EPHB1: variants seen among roughly 807,000 people sequenced by gnomAD.
EPHB1 encodes the protein ephrin type-B receptor 1.
In EPHB1, 30 loss-of-function variants were observed where a neutral mutation model predicts 94.4. That is an observed-to-expected ratio of 0.32 (90% confidence interval 0.24 to 0.43). The LOEUF is 0.43. Ranked by LOEUF, EPHB1 falls within the 20% of genes least tolerant of loss-of-function variation. EPHB1 has a pLI of 1.00. For missense variants in EPHB1, 1,055 were observed against 1,308.3 expected, an observed-to-expected ratio of 0.81 and a Z score of 2.99; for synonymous variants, 522 against 489.1, an observed-to-expected ratio of 1.07 and a Z score of -0.89.
At chr3:134,843,681 AT>A (rs1198625318) in intron 1 of EPHB1, among the ~76,000 whole-genome samples, 2 of 151,622 alleles carry the variant, frequency 1.3e-5, no homozygotes, top group Non-Finnish European at 2.9e-5. Context: ...TCCTCTAGTG[AT>A]TTTTTTATTT....
At chr3:134,824,354 T>A (rs1327031013) in intron 1 of EPHB1, among the ~76,000 whole-genome samples, 2 of 152,082 alleles carry the variant, frequency 1.3e-5, no homozygotes, top group Non-Finnish European at 2.9e-5. Flanking sequence ...CTGGGCACAG[T>A]GCCAGTTGGT....
chr3:134,969,970 G>A (rs1479598257), intron 3 of EPHB1, among the ~76,000 whole-genome samples: 1 of 152,174 alleles, frequency 6.6e-6, no homozygotes, highest in African/African-American at 2.4e-5. Context: ...ATCAAAACTT[G>A]AAAGTTTTGA....
intron 4 of EPHB1, among the ~76,000 whole-genome samples, chr3:135,123,695 A>G (rs1391464925): frequency 6.8e-6 from 1 of 148,122 alleles, no homozygotes; most frequent in African/African-American, 2.7e-5. Flanking sequence ...TTGTTTTCTT[A>G]TTGTTAAGTT....
chr3:135,038,681 C>T (rs1027721604), intron 3 of EPHB1, among the ~76,000 whole-genome samples: 2 of 152,076 alleles, frequency 1.3e-5, no homozygotes, highest in African/African-American at 2.4e-5. Context: ...TTCGGAGTTT[C>T]TTCCTTCTGG....
At chr3:134,829,613 C>CAGTTTGTTTA (rs1208204324) in intron 1 of EPHB1, among the ~76,000 whole-genome samples, 10 of 152,128 alleles carry the variant, frequency 6.6e-5, no homozygotes, top group Non-Finnish European at 1.0e-4. Context: ...CAAACAACTC[C>CAGTTTGTTTA]AGTATATTCT....
intron 3 of EPHB1, among the ~76,000 whole-genome samples, chr3:135,070,621 A>T (rs964700464): frequency 6.6e-6 from 1 of 152,170 alleles, no homozygotes; most frequent in South Asian, 2.1e-4. Context: ...GCTTATTATT[A>T]TGAGGAGTTT....
rs1217744067 is a variant in EPHB1 at position 135,052,909 on chromosome 3, A to ATATATATGTG, written c.806-53538_806-53537insATATATGTGT. ...AAAAAAAATATATATATATATATATATGTGTGTGTGTGTGTGTGTGTGTAT... is the reference window on the plus strand; with the variant it reads ...AAAAAAAATATATATATATATATATATATATATGTGTGTGTGTGTGTGTGTGTGTGTGTAT... On this transcript the variant is annotated intron_variant, in intron 3 of 15. Coordinates refer to ENST00000398015, the MANE Select transcript of EPHB1 (RefSeq NM_004441.5). 7.1e-4 allele frequency among the ~76,000 whole-genome samples: 49 copies of ATATATATGTG among 68,834 alleles called. 1 individual carries two copies. The highest frequency in any genetic ancestry group is 2.5e-3 in the South Asian group (4 of 1,628). The allele number at this position is 68,834 out of a possible 152,430, so 45.2% of individuals were successfully genotyped here. A position where few individuals can be genotyped will look rare whatever the true frequency, so the allele number is the denominator to read the frequency against.
intron 4 of EPHB1, among the ~76,000 whole-genome samples, chr3:135,107,473 G>A (rs1201898513): frequency 6.6e-6 from 1 of 152,180 alleles, no homozygotes; most frequent in Non-Finnish European, 1.5e-5. Flanking sequence ...TCTCTTTTAA[G>A]TATCCCATTG....
intron 3 of EPHB1, chr3:134,978,045 C>T: frequency 2.2e-6 from 1 of 453,870 alleles, no homozygotes; most frequent in Admixed American, 2.4e-5. Flanking sequence ...ACTCACACAG[C>T]CTCCTCTGCA....
In EPHB1 at chr3:135,106,558, G is replaced by A. The variant is rs749679220; in HGVS notation, c.916G>A (p.Gly306Ser). Reference protein sequence around the residue: ...EASPICTCRTGYYRADFDPPE... With the variant: ...EASPICTCRTSYYRADFDPPE... ...GTCTCCCATCTGCACCTGTCGGACCGGTTATTACCGAGCGGACTTTGACCC... is the reference window on the plus strand; with the variant it reads ...GTCTCCCATCTGCACCTGTCGGACCAGTTATTACCGAGCGGACTTTGACCC... Residue 306 changes from glycine to serine, a missense_variant, in exon 4 of 16, where the codon GGT becomes AGT. Coordinates refer to ENST00000398015, the MANE Select transcript of EPHB1 (RefSeq NM_004441.5). 2.2e-5 allele frequency: 35 copies of A among 1,613,894 alleles called. No homozygotes were observed. Among genetic ancestry groups the A allele is most frequent in the Non-Finnish European group, 2.5e-5 (29 of 1,179,896 alleles).
At chr3:134,906,016 G>T (rs6782258) in intron 1 of EPHB1, among the ~76,000 whole-genome samples, 1 of 152,116 alleles carries the variant, frequency 6.6e-6, no homozygotes, top group Non-Finnish European at 1.5e-5. Flanking sequence ...TCTTCCGAGA[G>T]CCCAGGGCCC....
chr3:134,887,907 T>C (rs1578171481), intron 1 of EPHB1, among the ~76,000 whole-genome samples: 1 of 152,198 alleles, frequency 6.6e-6, no homozygotes, highest in Admixed American at 6.5e-5. Context: ...CCTTCCAGCC[T>C]GGATTTGTGT....
intron 5 of EPHB1, among the ~76,000 whole-genome samples, chr3:135,149,341 C>T (rs998650982): frequency 6.6e-6 from 1 of 152,114 alleles, no homozygotes; most frequent in African/African-American, 2.4e-5. Context: ...GCAAACTATC[C>T]CTTCATCTGA....
At chr3:135,256,424 A>C (rs1169783570) in intron 15 of EPHB1, among the ~76,000 whole-genome samples, 1 of 152,070 alleles carries the variant, frequency 6.6e-6, no homozygotes, top group Non-Finnish European at 1.5e-5. Flanking sequence ...GTGGTGACAA[A>C]ATCTCTCAGC....
At chr3:134,957,612 G>A (rs1292577703) in intron 3 of EPHB1, among the ~76,000 whole-genome samples, 1 of 152,060 alleles carries the variant, frequency 6.6e-6, no homozygotes, top group Non-Finnish European at 1.5e-5. Flanking sequence ...AGCCCGAAAA[G>A]GGCTCTTGGC....
At chr3:135,114,425 G>A (rs1056619573) in intron 4 of EPHB1, among the ~76,000 whole-genome samples, 12 of 150,382 alleles carry the variant, frequency 8.0e-5, no homozygotes, top group African/African-American at 2.9e-4. Context: ...ATTTAGGTTG[G>A]GCACAGTGGC....
At chr3:134,822,489 AG>A (rs775755256) in intron 1 of EPHB1, among the ~76,000 whole-genome samples, 1 of 152,238 alleles carries the variant, frequency 6.6e-6, no homozygotes, top group African/African-American at 2.4e-5. Flanking sequence ...CATTGCAAAA[AG>A]GAATCACTTC....
chr3:135,108,185 G>A (rs1026015402), intron 4 of EPHB1, among the ~76,000 whole-genome samples: 18 of 152,104 alleles, frequency 1.2e-4, no homozygotes, highest in Admixed American at 3.3e-4. Flanking sequence ...GTGTGCAGCC[G>A]TTGACTTTAA....
chr3:135,183,334 C>A (rs933009034), intron 10 of EPHB1, among the ~76,000 whole-genome samples: 1 of 151,132 alleles, frequency 6.6e-6, no homozygotes, highest in African/African-American at 2.4e-5. Context: ...CACCCCCACC[C>A]TCCAGACTAT....
Sources: allele counts gnomAD v4.1 joint callset (sites outside exome capture counted in the v4.1 genomes callset), GRCh38; gene constraint gnomAD v4.1.1; transcripts MANE v1.5; gene names NCBI Gene and HGNC (gene_info 2026-07-23, HGNC 2026-07-21).